FBXO8: variants seen among roughly 807,000 people sequenced by gnomAD.
The protein encoded by FBXO8 is F-box only protein 8.
FBXO8 carries 15 observed loss-of-function variants against 33.4 expected under a neutral mutation model. The ratio of observed to expected loss-of-function variants is 0.45; its 90% CI spans 0.30 to 0.69. The LOEUF (loss-of-function observed/expected upper bound fraction) is 0.69. Among genes scored for constraint, FBXO8 ranks in the 30% least tolerant of loss-of-function variants. The pLI, the probability that FBXO8 is intolerant of heterozygous loss-of-function variation, is 0.08. For synonymous variants in FBXO8, 132 were observed against 131.5 expected, an observed-to-expected ratio of 1.00 and a Z score of -0.02; for missense variants, 274 against 380.3, an observed-to-expected ratio of 0.72 and a Z score of 2.32.
rs1736181638 is a variant in FBXO8 at position 174,247,275 on chromosome 4, C to G, written c.457-6057G>C. Among the ~76,000 whole-genome samples the G allele has an allele frequency of 2.0e-5, 3 of 151,864 alleles. No individual in the cohort carries two copies. The highest frequency in any genetic ancestry group is 6.6e-5 in the Admixed American group (1 of 15,220). ...TGTTTTATTGGTGTCACTAATAAAA[C>G]AAAACTGTCACATACTAGGGAGTAC... On this transcript the variant is annotated intron_variant, in intron 3 of 5. Coordinates refer to ENST00000393674, the MANE Select transcript of FBXO8 (RefSeq NM_012180.3). The surrounding 1 kb of genome is among the most constrained non-coding windows in gnomAD (Gnocchi z 4.6).
In FBXO8 at chr4:174,252,128, C is replaced by A. The variant is rs1736300795; in HGVS notation, c.456+7571G>T. On this transcript the variant is annotated intron_variant, in intron 3 of 5. Coordinates refer to ENST00000393674, the MANE Select transcript of FBXO8 (RefSeq NM_012180.3). The surrounding 1 kb of genome is among the most constrained non-coding windows in gnomAD (Gnocchi z 5.1). ...CGACTCCAGACACATGCTATCATAC[C>A]CGGTTAATTTCTGTATTTTTTGTAG... Among the ~76,000 whole-genome samples the A allele has an allele frequency of 6.6e-6, 1 of 152,022 alleles. No individual in the cohort carries two copies. Among genetic ancestry groups the A allele is most frequent in the South Asian group, 2.1e-4 (1 of 4,820 alleles).
At position 174,250,365 on chromosome 4, in the gene FBXO8, C is replaced by T. The variant is rs546146416; in HGVS notation, c.457-9147G>A. Among the ~76,000 whole-genome samples the T allele has an allele frequency of 4.6e-5, 7 of 152,036 alleles. No homozygotes were observed. In the East Asian group the frequency reaches 1.2e-3, roughly 25 times the overall value. On this transcript the variant is annotated intron_variant, in intron 3 of 5. Transcript: ENST00000393674. Reference sequence around the variant, plus strand: ...CCAAGGGAAAAATACAAAAACAACCCCCTTCCATAAAATGTATAAGCTGGA... The same window carrying T: ...CCAAGGGAAAAATACAAAAACAACCTCCTTCCATAAAATGTATAAGCTGGA...
At chr4:174,250,169 G>A (rs1040269794) in intron 3 of FBXO8, among the ~76,000 whole-genome samples, 3 of 151,976 alleles carry the variant, frequency 2.0e-5, no homozygotes, top group African/African-American at 7.2e-5. Flanking sequence ...TACAGATGGG[G>A]AAACTGAAGC....
At chr4:174,240,260 A>T (rs1736001513) in intron 4 of FBXO8, among the ~76,000 whole-genome samples, 1 of 151,684 alleles carries the variant, frequency 6.6e-6, no homozygotes, top group Non-Finnish European at 1.5e-5. Flanking sequence ...TCTTTCAATG[A>T]CCAGGATGCT....
chr4:174,248,558 C>A (rs978300184), intron 3 of FBXO8, among the ~76,000 whole-genome samples: 19 of 152,040 alleles, frequency 1.2e-4, no homozygotes, highest in African/African-American at 4.1e-4. Flanking sequence ...ACAGAGAGCA[C>A]ACACTGTCCA....
At position 174,277,758 on chromosome 4, in the gene FBXO8, T is replaced by A. The variant is rs1459838728; in HGVS notation, c.-9+5652A>T. ...TAGTGGAATTTATAAGTAAATGTCC[T>A]GTCTCAGATAAAGGTTTAAAATGTG... On this transcript the variant is annotated intron_variant, in intron 1 of 5. Coordinates refer to ENST00000393674, the MANE Select transcript of FBXO8 (RefSeq NM_012180.3). This position sits in a 1 kb window ranked among gnomAD's most constrained non-coding sequence, Gnocchi z 4.9. Among the ~76,000 whole-genome samples the A allele has an allele frequency of 6.6e-6, 1 of 152,168 alleles. No homozygotes were observed. The highest frequency in any genetic ancestry group is 1.5e-5 in the Non-Finnish European group (1 of 67,982).
chr4:174,244,569 T>C (rs1736115861), intron 3 of FBXO8, among the ~76,000 whole-genome samples: 1 of 151,636 alleles, frequency 6.6e-6, no homozygotes, highest in Admixed American at 6.6e-5. Flanking sequence ...ATAATGTAGT[T>C]CCTTTTTATT....
rs563733700 is a variant in FBXO8 at position 174,281,938 on chromosome 4, T to C, written c.-9+1472A>G. On this transcript the variant is annotated intron_variant, in intron 1 of 5. Coordinates refer to ENST00000393674, the MANE Select transcript of FBXO8 (RefSeq NM_012180.3). The surrounding 1 kb of genome is among the most constrained non-coding windows in gnomAD (Gnocchi z 4.6). ...TAAATGCATAATTCTTAGACTTTAG[T>C]ATTAATGATTTTGATGCATTATCAT... Among the ~76,000 whole-genome samples the C allele has an allele frequency of 6.6e-6, 1 of 152,322 alleles. No individual in the cohort carries two copies. The highest frequency in any genetic ancestry group is 2.1e-4 in the South Asian group (1 of 4,822).
chr4:174,238,925 T>C lies in FBXO8; in HGVS notation c.772+69A>G, dbSNP rs541171762. On this transcript the variant is annotated intron_variant, in intron 5 of 5. Coordinates refer to ENST00000393674, the MANE Select transcript of FBXO8 (RefSeq NM_012180.3). The stretch of plus-strand genomic sequence containing the variant: ...ATTTTTCCCCACAGTGAGACAAATG[T>C]CTCATATATCTCTGTTTTTACCTAA... 10 of 966,758 alleles carry C rather than the reference T, an allele frequency of 1.0e-5. No individual in the cohort carries two copies. The South Asian group carries it at 1.2e-4, about 12-fold the overall frequency. The allele number at this position is 966,758 out of a possible 1,614,324, so 59.9% of individuals were successfully genotyped here.
In FBXO8 at chr4:174,256,103, C is replaced by T. The variant is rs1044538393; in HGVS notation, c.456+3596G>A. 6.6e-6 allele frequency: 3 copies of T among 455,998 alleles called. No individual in the cohort carries two copies. Among genetic ancestry groups the T allele is most frequent in the South Asian group, 3.1e-5 (2 of 64,552 alleles). The allele number at this position is 455,998 out of a possible 1,614,324, so 28.2% of individuals were successfully genotyped here. A position where few individuals can be genotyped will look rare whatever the true frequency, so the allele number is the denominator to read the frequency against. ...GCTGTGGAGCTTGGTTACCCATATC[C>T]GTGACATGAACGGTGTCCTTTGGAG... On this transcript the variant is annotated intron_variant, in intron 3 of 5. Coordinates refer to ENST00000393674, the MANE Select transcript of FBXO8 (RefSeq NM_012180.3). This position sits in a 1 kb window ranked among gnomAD's most constrained non-coding sequence, Gnocchi z 4.6.
Position 174,255,780 on chromosome 4 carries a change from A to G in FBXO8, c.456+3919T>C, listed in dbSNP as rs923179871. ...TAATATACATTGGAGCACAAGTAAT[A>G]TAGTTTACTGGTTGTTAAATAAAAT... On this transcript the variant is annotated intron_variant, in intron 3 of 5. Coordinates refer to ENST00000393674, the MANE Select transcript of FBXO8 (RefSeq NM_012180.3). This position sits in a 1 kb window ranked among gnomAD's most constrained non-coding sequence, Gnocchi z 4.3. Among the ~76,000 whole-genome samples, 2 of 152,244 alleles carry G rather than the reference A, an allele frequency of 1.3e-5. No individual in the cohort carries two copies. Among genetic ancestry groups the G allele is most frequent in the African/African-American group, 4.8e-5 (2 of 41,470 alleles).
rs377145395 is a variant in FBXO8 at position 174,270,742 on chromosome 4, G to T, written c.-8-7642C>A. Among the ~76,000 whole-genome samples the T allele has an allele frequency of 6.6e-6, 1 of 151,402 alleles. No homozygotes were observed. The highest frequency in any genetic ancestry group is 2.1e-4 in the South Asian group (1 of 4,786). On this transcript the variant is annotated intron_variant, in intron 1 of 5. Coordinates refer to ENST00000393674, the MANE Select transcript of FBXO8 (RefSeq NM_012180.3). This position sits in a 1 kb window ranked among gnomAD's most constrained non-coding sequence, Gnocchi z 4.6. ...AGTGATTCTCCTGTCTCAGCCTCCC[G>T]AGTGCTGGGATTACAGGCACCTGCC...
chr4:174,278,162 G>A lies in FBXO8; in HGVS notation c.-9+5248C>T, dbSNP rs1736997227. Among the ~76,000 whole-genome samples the A allele has an allele frequency of 6.6e-6, 1 of 151,924 alleles. No homozygotes were observed. The highest frequency in any genetic ancestry group is 6.6e-5 in the Admixed American group (1 of 15,264). On this transcript the variant is annotated intron_variant, in intron 1 of 5. Coordinates refer to ENST00000393674, the MANE Select transcript of FBXO8 (RefSeq NM_012180.3). This position sits in a 1 kb window ranked among gnomAD's most constrained non-coding sequence, Gnocchi z 4.1. Reference sequence around the variant, plus strand: ...AACAAATGTAGAGAAATAAAGGAAGGGTAAGTCCACAAGGAGGTCTTTCTA... The same window carrying A: ...AACAAATGTAGAGAAATAAAGGAAGAGTAAGTCCACAAGGAGGTCTTTCTA...
In FBXO8 at chr4:174,256,695, T is replaced by C. The variant is rs1736424392; in HGVS notation, c.456+3004A>G. On this transcript the variant is annotated intron_variant, in intron 3 of 5. Coordinates refer to ENST00000393674, the MANE Select transcript of FBXO8 (RefSeq NM_012180.3). The surrounding 1 kb of genome is among the most constrained non-coding windows in gnomAD (Gnocchi z 4.6). ...TGCAATGTCCTTTTTTTCCTATATA[T>C]TTCCTAAGTGCATTCTGGTAAAGAT... Among the ~76,000 whole-genome samples the C allele has an allele frequency of 6.6e-6, 1 of 152,202 alleles. No individual in the cohort carries two copies. The highest frequency in any genetic ancestry group is 1.5e-5 in the Non-Finnish European group (1 of 68,030).
chr4:174,281,043 T>C lies in FBXO8; in HGVS notation c.-9+2367A>G, dbSNP rs935186382. On this transcript the variant is annotated intron_variant, in intron 1 of 5. Transcript: ENST00000393674. This position sits in a 1 kb window ranked among gnomAD's most constrained non-coding sequence, Gnocchi z 4.6. ...GGTAAATTTTATGTTACGTATATTTTACTACAATTTAAAAATTGGAAGAAA... is the reference window on the plus strand; with the variant it reads ...GGTAAATTTTATGTTACGTATATTTCACTACAATTTAAAAATTGGAAGAAA... Among the ~76,000 whole-genome samples the C allele has an allele frequency of 6.6e-6, 1 of 152,188 alleles. No individual in the cohort carries two copies. Among genetic ancestry groups the C allele is most frequent in the East Asian group, 1.9e-4 (1 of 5,202 alleles).
intron 3 of FBXO8, among the ~76,000 whole-genome samples, chr4:174,258,444 T>G (rs1308645141): frequency 1.3e-5 from 2 of 152,206 alleles, no homozygotes; most frequent in African/African-American, 4.8e-5. Context: ...TAATTTGAAC[T>G]TCGTATAAAT....
Position 174,275,148 on chromosome 4 carries a change from C to A in FBXO8, c.-9+8262G>T, listed in dbSNP as rs547585124. On this transcript the variant is annotated intron_variant, in intron 1 of 5. Transcript: ENST00000393674. The surrounding 1 kb of genome is among the most constrained non-coding windows in gnomAD (Gnocchi z 4.4). ...AAAATGGGCAAAAGATATAAACACA[C>A]GTTTCATGAAAGAGGATATACAAAT... Among the ~76,000 whole-genome samples the A allele has an allele frequency of 1.3e-5, 2 of 152,068 alleles. No homozygotes were observed. Among genetic ancestry groups the A allele is most frequent in the Non-Finnish European group, 2.9e-5 (2 of 68,020 alleles).
rs1294798254 is a variant in FBXO8, at chr4:174,275,979, A to C, written c.-9+7431T>G. On this transcript the variant is annotated intron_variant, in intron 1 of 5. Transcript: ENST00000393674. This position sits in a 1 kb window ranked among gnomAD's most constrained non-coding sequence, Gnocchi z 4.4. ...TAATAAAAAAGACAATGTACATATA[A>C]AATACATTAATTAGAAAATTGGTAT... Among the ~76,000 whole-genome samples the C allele has an allele frequency of 3.3e-5, 5 of 152,198 alleles. No individual in the cohort carries two copies. The highest frequency in any genetic ancestry group is 1.2e-4 in the African/African-American group (5 of 41,468).
At chr4:174,248,897 T>C (rs1164154561) in intron 3 of FBXO8, among the ~76,000 whole-genome samples, 5 of 152,006 alleles carry the variant, frequency 3.3e-5, no homozygotes, top group African/African-American at 9.7e-5. Flanking sequence ...AAAAGAGTGA[T>C]GGTTTAAGGA....
Sources: allele counts gnomAD v4.1 joint callset (sites outside exome capture counted in the v4.1 genomes callset), GRCh38; gene constraint gnomAD v4.1.1; non-coding constraint Gnocchi (gnomAD v3.1); transcripts MANE v1.5; gene names NCBI Gene and HGNC (gene_info 2026-07-23, HGNC 2026-07-21).